The following CIMAP2 variants were observed in gnomAD, a reference collection of about 807,000 sequenced individuals.
The protein encoded by CIMAP2 is ciliary microtubule-associated protein 2.
chr1:54,822,126 C>T, the CIMAP2 span, among the ~76,000 whole-genome samples: 2 of 103,038 alleles, frequency 1.9e-5, 1 homozygote, highest in Non-Finnish European at 4.4e-5. Flanking sequence ...TCTCGATCTT[C>T]TGACCTCGTG....
chr1:54,811,765 G>GCCGGGGGGGCCCCCCCCCC, the CIMAP2 span: 2 of 1,301,324 alleles, frequency 1.5e-6, no homozygotes, highest in Non-Finnish European at 2.2e-6. Flanking sequence ...GGTTCTGACA[G>GCCGGGGGGGCCCCCCCCCC]CCTCCATGCC....
chr1:54,830,943 T>C, the CIMAP2 span, among the ~76,000 whole-genome samples: 122 of 152,338 alleles, frequency 8.0e-4, no homozygotes, highest in Non-Finnish European at 1.1e-3. This position sits in a 1 kb window ranked among gnomAD's most constrained non-coding sequence, Gnocchi z 4.1. Context: ...GGTACATGCC[T>C]TAACATTTTT....
chr1:54,813,813 G>GA, the CIMAP2 span: 13,982 of 1,585,246 alleles, frequency 8.8e-3, 108 homozygotes, highest in South Asian at 0.027. Flanking sequence ...CTTTTTCTTA[G>GA]AAAAAAAAGC....
At chr1:54,809,724 C>T in the CIMAP2 span, among the ~76,000 whole-genome samples, 1 of 152,062 alleles carries the variant, frequency 6.6e-6, no homozygotes, top group Admixed American at 6.5e-5. Flanking sequence ...GAGACCAAGG[C>T]CTGGGTGTGG....
the CIMAP2 span, among the ~76,000 whole-genome samples, chr1:54,839,884 G>A: frequency 6.6e-6 from 1 of 151,996 alleles, no homozygotes; most frequent in African/African-American, 2.4e-5. Flanking sequence ...CCAAGTACTG[G>A]GACTACAGGT....
the CIMAP2 span, among the ~76,000 whole-genome samples, chr1:54,819,256 C>G: frequency 2.0e-5 from 3 of 152,296 alleles, no homozygotes; most frequent in South Asian, 4.1e-4. Flanking sequence ...CTCCTACCCC[C>G]TCTCTTCTCA....
the CIMAP2 span, among the ~76,000 whole-genome samples, chr1:54,830,790 G>A: frequency 3.3e-5 from 5 of 152,260 alleles, no homozygotes; most frequent in Admixed American, 2.0e-4. This position sits in a 1 kb window ranked among gnomAD's most constrained non-coding sequence, Gnocchi z 4.1. Flanking sequence ...TTTTGGAGTC[G>A]GGGGATTCTT....
At chr1:54,833,796 C>G in the CIMAP2 span, among the ~76,000 whole-genome samples, 4 of 152,012 alleles carry the variant, frequency 2.6e-5, no homozygotes, top group African/African-American at 9.7e-5. Flanking sequence ...GACCCACTCC[C>G]TTTGTCTTCC....
chr1:54,841,412 G>A, the CIMAP2 span, among the ~76,000 whole-genome samples: 1 of 152,058 alleles, frequency 6.6e-6, no homozygotes, highest in Non-Finnish European at 1.5e-5. Context: ...TGGGACTGAG[G>A]TCAGGGCTTA....
chr1:54,826,169 C>A, the CIMAP2 span, among the ~76,000 whole-genome samples: 1 of 152,082 alleles, frequency 6.6e-6, no homozygotes, highest in Non-Finnish European at 1.5e-5. Context: ...TGTCCTCAGG[C>A]CCTGGAACAG....
At chr1:54,815,016 TG>T in the CIMAP2 span, 2 of 1,614,152 alleles carry the variant, frequency 1.2e-6, no homozygotes, top group Non-Finnish European at 1.7e-6. Context: ...TGCAAAGGCC[TG>T]CCAGATGATT....
At chr1:54,832,138 C>A in the CIMAP2 span, among the ~76,000 whole-genome samples, 3 of 152,194 alleles carry the variant, frequency 2.0e-5, no homozygotes, top group African/African-American at 7.2e-5. Flanking sequence ...AACCACCATG[C>A]CCAGCCTAAC....
At chr1:54,821,921 C>T in the CIMAP2 span, among the ~76,000 whole-genome samples, 12 of 54,786 alleles carry the variant, frequency 2.2e-4, 1 homozygote, top group African/African-American at 5.9e-4. Flanking sequence ...TTTTTTGAGA[C>T]GGAGTCTCGC....
At chr1:54,841,771 C>T in the CIMAP2 span, 1 of 1,605,076 alleles carries the variant, frequency 6.2e-7, no homozygotes, top group South Asian at 1.1e-5. Flanking sequence ...GGGATCACTT[C>T]CTTTTTTAAT....
At chr1:54,812,031 T>A in the CIMAP2 span, 4 of 1,613,958 alleles carry the variant, frequency 2.5e-6, no homozygotes, top group Non-Finnish European at 3.4e-6. Context: ...CCTCATCACC[T>A]CTGCTGTGCT....
the CIMAP2 span, chr1:54,811,712 A>C: frequency 1.1e-3 from 1,159 of 1,064,258 alleles, no homozygotes; most frequent in Non-Finnish European, 1.3e-3. Flanking sequence ...TGGGGATGGC[A>C]ATCTCAGGTG....
the CIMAP2 span, among the ~76,000 whole-genome samples, chr1:54,836,264 C>T: frequency 1.9e-4 from 29 of 148,818 alleles, no homozygotes; most frequent in Non-Finnish European, 2.7e-4. Context: ...CCTTCGCCCT[C>T]CCGCCTGCCT....
chr1:54,841,770 T>C, the CIMAP2 span: 3 of 1,605,066 alleles, frequency 1.9e-6, no homozygotes, highest in Non-Finnish European at 2.6e-6. Flanking sequence ...AGGGATCACT[T>C]CCTTTTTTAA....
At chr1:54,811,891 T>A in the CIMAP2 span, 1 of 1,613,570 alleles carries the variant, frequency 6.2e-7, no homozygotes, top group Non-Finnish European at 8.5e-7. Flanking sequence ...GAGGGCCTCA[T>A]GTGCAGGATG....
Sources: gnomAD v4.1 joint callset for allele counts (sites outside exome capture counted in the v4.1 genomes callset) on GRCh38, gnomAD v4.1.1 for gene constraint, Gnocchi (gnomAD v3.1) non-coding constraint, MANE v1.5 for transcripts, NCBI Gene and HGNC (gene_info 2026-07-23, HGNC 2026-07-21) for gene names.